Variants in PARD3 observed in about 807,000 individuals in gnomAD.
The protein encoded by PARD3 is partitioning defective 3 homolog.
PARD3 carries 75 observed loss-of-function variants against 155.4 expected under a neutral mutation model. That is an observed-to-expected ratio of 0.48 (90% CI 0.40 to 0.58). The LOEUF (loss-of-function observed/expected upper bound fraction) is 0.58. Ranked by LOEUF, PARD3 falls within the 20% of genes least tolerant of loss-of-function variation. The pLI is 0.00. For missense variants in PARD3, 1,642 were observed against 1,721.7 expected, an observed-to-expected ratio of 0.95 and a Z score of 0.82; for synonymous variants, 576 against 610.5, an observed-to-expected ratio of 0.94 and a Z score of 0.83.
intron 5 of PARD3, among the ~76,000 whole-genome samples, chr10:34,447,643 A>G (rs1276689317): frequency 1.3e-5 from 2 of 150,426 alleles, no homozygotes; most frequent in Non-Finnish European, 3.0e-5. Context: ...TCTACTAAAA[A>G]TACAAAAAAA....
At chr10:34,725,105 T>TTGTGTGTGTGTGTG (rs71033342) in intron 1 of PARD3, among the ~76,000 whole-genome samples, 28 of 135,880 alleles carry the variant, frequency 2.1e-4, no homozygotes, top group East Asian at 4.5e-4. Context: ...AGTCAAAACT[T>TTGTGTGTGTGTGTG]TGTGTGTGTG....
At chr10:34,192,685 G>A (rs905619697) in intron 22 of PARD3, among the ~76,000 whole-genome samples, 2 of 152,148 alleles carry the variant, frequency 1.3e-5, no homozygotes, top group Non-Finnish European at 2.9e-5. Flanking sequence ...GTGTGGAGGG[G>A]CTGTTGATGG....
At chr10:34,748,100 T>C (rs1043124311) in intron 1 of PARD3, among the ~76,000 whole-genome samples, 2 of 152,086 alleles carry the variant, frequency 1.3e-5, no homozygotes, top group African/African-American at 2.4e-5. Context: ...GGAGGAGGTG[T>C]CTAGGTCAGC....
intron 1 of PARD3, among the ~76,000 whole-genome samples, chr10:34,770,891 C>T (rs1838775489): frequency 6.6e-6 from 1 of 152,110 alleles, no homozygotes; most frequent in East Asian, 1.9e-4. Flanking sequence ...ATTTGCCAGC[C>T]CTGGGCCCCG....
chr10:34,355,962 C>CAA (rs1370694718), intron 14 of PARD3, among the ~76,000 whole-genome samples: 1 of 95,040 alleles, frequency 1.1e-5, no homozygotes, highest in Non-Finnish European at 2.0e-5. Flanking sequence ...CAAAACCAAA[C>CAA]AAAAAAACAG....
intron 1 of PARD3, among the ~76,000 whole-genome samples, chr10:34,806,513 A>G (rs1247708445): frequency 6.6e-6 from 1 of 151,726 alleles, no homozygotes; most frequent in Non-Finnish European, 1.5e-5. Flanking sequence ...TTTTTTAAAA[A>G]GAGACGGGGT....
intron 4 of PARD3, among the ~76,000 whole-genome samples, chr10:34,464,383 AG>A (rs1328295248): frequency 6.6e-6 from 1 of 152,132 alleles, no homozygotes; most frequent in African/African-American, 2.4e-5. Context: ...CTATTTATCT[AG>A]GACTTCTCAG....
intron 2 of PARD3, among the ~76,000 whole-genome samples, chr10:34,661,996 G>A (rs1741280202): frequency 6.6e-6 from 1 of 152,188 alleles, no homozygotes; most frequent in Non-Finnish European, 1.5e-5. Context: ...ACCCTGGGGA[G>A]ATGGTTAAAT....
chr10:34,498,675 G>A (rs1197168470), intron 3 of PARD3, among the ~76,000 whole-genome samples: 1 of 152,164 alleles, frequency 6.6e-6, no homozygotes, highest in Non-Finnish European at 1.5e-5. Flanking sequence ...TACCTGAGAA[G>A]CTGAGACACA....
At chr10:34,243,653 T>C (rs1212467945) in intron 22 of PARD3, among the ~76,000 whole-genome samples, 1 of 152,148 alleles carries the variant, frequency 6.6e-6, no homozygotes. Context: ...CTGGCTAACA[T>C]GGTGAAGCCC....
intron 20 of PARD3, among the ~76,000 whole-genome samples, chr10:34,292,369 A>G (rs1323931855): frequency 6.6e-6 from 1 of 152,234 alleles, no homozygotes; most frequent in Non-Finnish European, 1.5e-5. Context: ...ACCATGAAAG[A>G]GTACTGATTT....
intron 22 of PARD3, among the ~76,000 whole-genome samples, chr10:34,234,714 G>A (rs959339946): frequency 2.0e-5 from 3 of 152,034 alleles, no homozygotes; most frequent in Non-Finnish European, 4.4e-5. Context: ...CCCCATGCTA[G>A]AAAAGGCAAG....
chr10:34,331,409 A>G, intron 18 of PARD3, 65 bp from the exon 19 acceptor site: 1 of 936,366 alleles, frequency 1.1e-6, no homozygotes, highest in Admixed American at 2.0e-5. Context: ...CTGAATATGC[A>G]CTGTCGAAAA....
At chr10:34,208,060 T>C (rs1951562427) in intron 22 of PARD3, among the ~76,000 whole-genome samples, 1 of 152,246 alleles carries the variant, frequency 6.6e-6, no homozygotes, top group Non-Finnish European at 1.5e-5. Context: ...TGTAAAACAA[T>C]TTTAAGTGCC....
chr10:34,613,504 C>A (rs2091051510), intron 2 of PARD3, among the ~76,000 whole-genome samples: 1 of 152,150 alleles, frequency 6.6e-6, no homozygotes, highest in East Asian at 1.9e-4. Flanking sequence ...ATCATTAACT[C>A]TTACTTAATT....
chr10:34,243,565 C>G (rs899108264), intron 22 of PARD3, among the ~76,000 whole-genome samples: 2 of 152,142 alleles, frequency 1.3e-5, no homozygotes, highest in Non-Finnish European at 2.9e-5. Flanking sequence ...TGGCCAGGCA[C>G]GGTTGCTCAT....
Position 34,382,772 on chromosome 10 carries a change from A to G in PARD3, c.1167T>C (p.Ile389=). 1 of 1,614,198 alleles carries G rather than the reference A, an allele frequency of 6.2e-7. No individual in the cohort carries two copies. Among genetic ancestry groups the G allele is most frequent in the Non-Finnish European group, 8.5e-7 (1 of 1,180,040 alleles). ...CTGCACTGTTCACACTCCTGTTGTC[A>G]ATATACTGGCTGTCAGGGCTAAAAC... ...SSRFSPDSQY[I]DNRSVNSAGL... is the part of the protein sequence containing the mutation. Residue 389 remains isoleucine, a synonymous_variant, in exon 9 of 25, where the codon ATT becomes ATC. Coordinates refer to ENST00000374788, the MANE Select transcript of PARD3 (RefSeq NM_001184785.2).
chr10:34,697,771 T>TACACACA (rs1554814508), intron 1 of PARD3, among the ~76,000 whole-genome samples: 1 of 150,200 alleles, frequency 6.7e-6, no homozygotes, highest in Non-Finnish European at 1.5e-5. Context: ...AAACAAACAC[T>TACACACA]CACACACACA....
intron 22 of PARD3, among the ~76,000 whole-genome samples, chr10:34,187,203 G>A (rs959548842): frequency 1.3e-5 from 2 of 152,170 alleles, no homozygotes; most frequent in East Asian, 1.9e-4. Context: ...ATGCCTTCAC[G>A]TTTTACCATT....
Sources: gnomAD v4.1 joint callset for allele counts (sites outside exome capture counted in the v4.1 genomes callset) on GRCh38, gnomAD v4.1.1 for gene constraint, MANE v1.5 for transcripts, NCBI Gene and HGNC (gene_info 2026-07-23, HGNC 2026-07-21) for gene names.